Variants in LPA observed in about 807,000 individuals in gnomAD.
LPA encodes lipoprotein(a), also known as apolipoprotein(a).
A neutral mutation model predicts 197.9 loss-of-function variants in LPA; 199 were observed. That is an observed-to-expected ratio of 1.01 (90% CI 0.90 to 1.13). LPA has a LOEUF of 1.13. Ranked by LOEUF, LPA falls within the 50% of genes most tolerant of loss-of-function variation. The pLI is 0.00. For synonymous variants in LPA, 715 were observed against 639.5 expected (o/e 1.12, Z -1.78); for missense variants, 1,853 against 1,785.8 (o/e 1.04, Z -0.68).
intron 7 of LPA, among the ~76,000 whole-genome samples, chr6:160,634,274 T>G (rs1459198367): frequency 9.6e-6 from 1 of 103,644 alleles, no homozygotes; most frequent in Non-Finnish European, 2.0e-5. Flanking sequence ...AGGTGGTAAT[T>G]GGCTGTCGAG....
chr6:160,607,621 C>G (rs1185035833), intron 16 of LPA, among the ~76,000 whole-genome samples: 79 of 152,244 alleles, frequency 5.2e-4, no homozygotes, highest in African/African-American at 1.9e-3. Flanking sequence ...CAACCTCTCT[C>G]TATCCTCACA....
chr6:160,600,791 C>G, intron 19 of LPA, 126 bp downstream of exon 19: 1 of 1,108,374 alleles, frequency 9.0e-7, no homozygotes, highest in East Asian at 2.5e-5. Flanking sequence ...GGCTTCCTCC[C>G]ACATGGCAGA....
chr6:160,543,363 G>A (rs1232078991), intron 33 of LPA, among the ~76,000 whole-genome samples: 1 of 152,184 alleles, frequency 6.6e-6, no homozygotes, highest in Non-Finnish European at 1.5e-5. Context: ...AGGGGCTACA[G>A]AGGGTGTTCA....
intron 18 of LPA, among the ~76,000 whole-genome samples, chr6:160,603,616 C>T (rs1779287655): frequency 6.6e-6 from 1 of 152,066 alleles, no homozygotes; most frequent in African/African-American, 2.4e-5. Flanking sequence ...TTTGTATTGA[C>T]TGATTTTTCA....
chr6:160,585,503 C>A (rs551398996), intron 25 of LPA, among the ~76,000 whole-genome samples: 11 of 152,208 alleles, frequency 7.2e-5, no homozygotes, highest in African/African-American at 2.6e-4. Context: ...CTTTTGCTTA[C>A]ACCTCTTCTG....
chr6:160,576,317 T>C (rs368420728), intron 28 of LPA, among the ~76,000 whole-genome samples: 2 of 88,348 alleles, frequency 2.3e-5, no homozygotes, highest in South Asian at 3.7e-4. Flanking sequence ...TATACCTGTA[T>C]GTATGTGTGT....
chr6:160,590,978 A>C lies in LPA; in HGVS notation c.3753T>G (p.Ser1251Arg). The C allele has an allele frequency of 6.2e-7, 1 of 1,614,014 alleles. No individual in the cohort carries two copies. The highest frequency in any genetic ancestry group is 2.2e-5 in the East Asian group (1 of 44,860). Residue 1251 changes from serine to arginine, a missense_variant, in exon 23 of 39, where the codon AGT (serine) becomes AGG (arginine). Around this residue, in one of 3 missense-constraint regions of LPA, gnomAD observed 1,737 missense variants for 1,504.4 expected, o/e 1.15. Coordinates refer to ENST00000316300, the MANE Select transcript of LPA (RefSeq NM_005577.4). ...NLTQCPVTESSVLATSTAVSE... is the reference protein window; with the variant it reads ...NLTQCPVTESRVLATSTAVSE... ...AAACAGCCGTGGACGTCGCAAGGAC[A>C]CTTGATTCTGTCACTGGACATTGTG...
At chr6:160,569,252 CA>C (rs1325766701) in intron 28 of LPA, among the ~76,000 whole-genome samples, 1 of 152,030 alleles carries the variant, frequency 6.6e-6, no homozygotes, top group African/African-American at 2.4e-5. Context: ...CTACAGTAAC[CA>C]AAACAGCATG....
chr6:160,648,320 C>T (rs28605545), intron 2 of LPA, among the ~76,000 whole-genome samples: 1 of 152,178 alleles, frequency 6.6e-6, no homozygotes, highest in African/African-American at 2.4e-5. Flanking sequence ...TACCCAGTGG[C>T]ATCCTATAAT....
Position 160,540,247 on chromosome 6 carries a change from ATGAACTTGGCGCTGTCCCTC to A in LPA, c.5595-84_5595-65del, listed in dbSNP as rs1031104408. 3.1e-6 allele frequency: 5 copies of A among 1,605,958 alleles called. No individual in the cohort carries two copies. The African/African-American group carries it at 6.7e-5, about 21-fold the overall frequency. ...AGCCCCTTCAGGTATCCTCTGTGCC[ATGAACTTGGCGCTGTCCCTC>A]TGACACCCTCGGCCACCCAGAATCA... On this transcript the variant is annotated intron_variant, in intron 35 of 38. Transcript: ENST00000316300.
At chr6:160,590,260 G>A (rs1017460965) in intron 23 of LPA, among the ~76,000 whole-genome samples, 16 of 152,158 alleles carry the variant, frequency 1.1e-4, no homozygotes, top group Admixed American at 7.2e-4. Context: ...GAGGGACGGC[G>A]GGAAATCTTG....
intron 1 of LPA, among the ~76,000 whole-genome samples, chr6:160,656,291 G>T (rs1017474336): frequency 1.1e-4 from 17 of 152,176 alleles, no homozygotes; most frequent in African/African-American, 4.1e-4. Context: ...TCTAGGTAGA[G>T]ACAGCTCTAA....
chr6:160,586,616 T>A lies in LPA; in HGVS notation c.3962A>T (p.Asn1321Ile), dbSNP rs764610863. 6.2e-7 allele frequency: 1 copy of A among 1,613,570 alleles called. No individual in the cohort carries two copies. Among genetic ancestry groups the A allele is most frequent in the Non-Finnish European group, 8.5e-7 (1 of 1,179,780 alleles). The change falls in exon 25 of 39, where the codon AAC becomes ATC. Residue 1321 changes from asparagine (N) to isoleucine (I), a missense_variant. Asn to Ile is a moderately radical substitution (Grantham distance 149, BLOSUM62 -3). Transcript: ENST00000316300. Reference protein sequence around the residue: ...EYYPNGGLTRNYCRNPDAEIR... With the variant: ...EYYPNGGLTRIYCRNPDAEIR... ...CTCAGCATCTGGATTCCTGCAGTAG[T>A]TCCTGGTCAGGCCACTGCAAATTCC... is the stretch of plus-strand genomic sequence containing the variant.
At position 160,611,541 on chromosome 6, in the gene LPA, T is replaced by A. The variant is rs371744922; in HGVS notation, c.2603+21A>T. 239 of 1,607,200 alleles carry A rather than the reference T, an allele frequency of 1.5e-4. 1 individual carries two copies. In the African/African-American group the frequency reaches 3.0e-3, roughly 20 times the overall value. On this transcript the variant is annotated intron_variant, in intron 16 of 38. Transcript: ENST00000316300. ...CTTCAGTTGGCCCTTTATTCTCTTA[T>A]GGTAAAGAACAAAGACATACGCATT...
chr6:160,634,631 G>C (rs1203046939), intron 7 of LPA, among the ~76,000 whole-genome samples: 1 of 149,650 alleles, frequency 6.7e-6, no homozygotes, highest in Non-Finnish European at 1.5e-5. Context: ...AGAGCATTGG[G>C]AGCTCATATA....
chr6:160,608,782 G>A (rs1562343094), intron 16 of LPA, among the ~76,000 whole-genome samples: 1 of 151,656 alleles, frequency 6.6e-6, no homozygotes, highest in Non-Finnish European at 1.5e-5. Flanking sequence ...ATGTCTGTGA[G>A]GTTCGGTTGG....
Position 160,605,186 on chromosome 6 carries a change from A to G in LPA, c.2805T>C (p.Pro935=). 3 of 1,613,928 alleles carry G rather than the reference A, an allele frequency of 1.9e-6. No homozygotes were observed. The highest frequency in any genetic ancestry group is 1.1e-5 in the South Asian group (1 of 91,084). ...PSEQAPTEQR[P]GVQECYHGNG... ...TTCCGTGGTAGCACTCCTGCACCCCAGGCCTTTGCTCAGTTGGTGCTGAAA... is the reference window on the plus strand; with the variant it reads ...TTCCGTGGTAGCACTCCTGCACCCCGGGCCTTTGCTCAGTTGGTGCTGAAA... Residue 935 remains proline (P), a synonymous_variant, in exon 18 of 39, where the codon CCT becomes CCC. Transcript: ENST00000316300.
chr6:160,576,386 A>ATGTG (rs1485164638), intron 28 of LPA, among the ~76,000 whole-genome samples: 6 of 54,282 alleles, frequency 1.1e-4, no homozygotes, highest in Admixed American at 2.5e-4. Flanking sequence ...ATATATATAT[A>ATGTG]TATGTATATA....
At chr6:160,663,957 T>C (rs1582909504) in intron 1 of LPA, among the ~76,000 whole-genome samples, 2 of 152,324 alleles carry the variant, frequency 1.3e-5, no homozygotes, top group South Asian at 4.1e-4. Flanking sequence ...CCATTATTTT[T>C]TCTGCCCATT....
Sources: gnomAD v4.1 joint callset for allele counts (sites outside exome capture counted in the v4.1 genomes callset) on GRCh38, gnomAD v4.1.1 for gene constraint, gnomAD v4.1.1 regional missense constraint, MANE v1.5 for transcripts, NCBI Gene and HGNC (gene_info 2026-07-23, HGNC 2026-07-21) for gene names.